PACSIN2: variants seen among roughly 807,000 people sequenced by gnomAD.
The protein encoded by PACSIN2 is protein kinase C and casein kinase substrate in neurons 2.
A neutral mutation model predicts 63.8 loss-of-function variants in PACSIN2; 25 were observed. The ratio of observed to expected loss-of-function variants is 0.39; its 90% CI spans 0.29 to 0.55. The LOEUF (loss-of-function observed/expected upper bound fraction) is 0.55. Among genes scored for constraint, PACSIN2 ranks in the 20% least tolerant of loss-of-function variants. The pLI is 0.62. For synonymous variants in PACSIN2, 255 were observed against 256.2 expected, an observed-to-expected ratio of 1.00 and a Z score of 0.05; for missense variants, 518 against 646.9, an observed-to-expected ratio of 0.80 and a Z score of 2.16.
intron 2 of PACSIN2, among the ~76,000 whole-genome samples, chr22:42,895,757 T>TGCTGGGGACAAGAGGCAAGTTG (rs1329502614): frequency 2.6e-5 from 4 of 152,248 alleles, no homozygotes; most frequent in Admixed American, 2.0e-4. Context: ...CTGTGACCAC[T>TGCTGGGGACAAGAGGCAAGTTG]GCTGGGGACA....
At chr22:42,879,961 C>T (rs78194212) in intron 7 of PACSIN2, among the ~76,000 whole-genome samples, 24 of 152,260 alleles carry the variant, frequency 1.6e-4, no homozygotes, top group African/African-American at 5.3e-4. Flanking sequence ...CACGAGTTCT[C>T]GGGTGGCGAA....
At chr22:42,887,259 T>C (rs1391091433) in intron 5 of PACSIN2, among the ~76,000 whole-genome samples, 1 of 152,310 alleles carries the variant, frequency 6.6e-6, no homozygotes, top group South Asian at 2.1e-4. Context: ...AACTCTCGTG[T>C]AGATGACGTG....
chr22:43,002,782 A>C (rs965225078), intron 1 of PACSIN2, among the ~76,000 whole-genome samples: 6 of 152,242 alleles, frequency 3.9e-5, no homozygotes, highest in Non-Finnish European at 4.4e-5. Context: ...AAGTGGAAAT[A>C]ACCTAAAATG....
At chr22:43,006,150 A>G (rs1924076651) in intron 1 of PACSIN2, among the ~76,000 whole-genome samples, 1 of 152,108 alleles carries the variant, frequency 6.6e-6, no homozygotes, top group South Asian at 2.1e-4. Context: ...TGTCATGTGA[A>G]GCTATAAGAA....
intron 1 of PACSIN2, among the ~76,000 whole-genome samples, chr22:42,964,183 C>T (rs1329643947): frequency 3.3e-5 from 5 of 152,178 alleles, no homozygotes; most frequent in Non-Finnish European, 1.5e-5. Flanking sequence ...TTTGTGGGGC[C>T]AAGGTGCGCA....
At chr22:42,916,558 C>T (rs1410419703) in intron 1 of PACSIN2, among the ~76,000 whole-genome samples, 4 of 152,080 alleles carry the variant, frequency 2.6e-5, no homozygotes, top group East Asian at 3.9e-4. Context: ...CACGGCACGC[C>T]GCACCAGCCT....
chr22:42,924,992 C>T (rs1932444699), intron 1 of PACSIN2, among the ~76,000 whole-genome samples: 1 of 151,662 alleles, frequency 6.6e-6, no homozygotes, highest in African/African-American at 2.4e-5. Flanking sequence ...CTCCTGACCT[C>T]GTGATCGGCC....
chr22:42,988,092 G>A (rs1051996571), intron 1 of PACSIN2, among the ~76,000 whole-genome samples: 1 of 152,032 alleles, frequency 6.6e-6, no homozygotes. Flanking sequence ...AGCCGAGATC[G>A]CACCACTGCA....
At chr22:42,987,498 G>A (rs1244617197) in intron 1 of PACSIN2, among the ~76,000 whole-genome samples, 6 of 32,772 alleles carry the variant, frequency 1.8e-4, no homozygotes, top group African/African-American at 8.2e-4. Context: ...ACACACCCAT[G>A]GCACCATGTT....
At chr22:42,966,544 G>A (rs1320558953) in intron 1 of PACSIN2, among the ~76,000 whole-genome samples, 1 of 152,214 alleles carries the variant, frequency 6.6e-6, no homozygotes, top group Non-Finnish European at 1.5e-5. Flanking sequence ...AAGCTTCTTT[G>A]CTTCTCTGGC....
intron 2 of PACSIN2, among the ~76,000 whole-genome samples, chr22:42,901,631 G>A (rs553243357): frequency 1.5e-4 from 23 of 152,362 alleles, no homozygotes; most frequent in Admixed American, 2.6e-4. Flanking sequence ...TACACTGCAC[G>A]GTAGGTTTCT....
At chr22:42,901,365 T>G (rs909687137) in intron 2 of PACSIN2, among the ~76,000 whole-genome samples, 5 of 152,222 alleles carry the variant, frequency 3.3e-5, no homozygotes, top group African/African-American at 1.2e-4. Flanking sequence ...TAGGGATTCC[T>G]TAATTCCAAG....
At chr22:42,991,418 G>A (rs1329790251) in intron 1 of PACSIN2, among the ~76,000 whole-genome samples, 1 of 152,112 alleles carries the variant, frequency 6.6e-6, no homozygotes, top group East Asian at 1.9e-4. Flanking sequence ...CACCCATCCA[G>A]GCACAGAAGG....
intron 8 of PACSIN2, 116 bp downstream of exon 8, chr22:42,878,932 C>T: frequency 2.4e-6 from 3 of 1,248,354 alleles, no homozygotes; most frequent in Non-Finnish European, 3.3e-6. Flanking sequence ...GCCCACAGAG[C>T]TCAGGAGCCC....
chr22:42,871,336 C>G lies in PACSIN2; in HGVS notation c.*21G>C, dbSNP rs769488198. Reference sequence around the variant, plus strand: ...CCTGGGCCCGCCGCCTCCGTCCCCCCGCTGGCCTGTCCCCGACTCATCACT... The same window carrying G: ...CCTGGGCCCGCCGCCTCCGTCCCCCGGCTGGCCTGTCCCCGACTCATCACT... On this transcript the variant is annotated 3_prime_UTR_variant, in exon 11 of 11. Transcript: ENST00000263246. The surrounding 1 kb of genome is among the most constrained non-coding windows in gnomAD (Gnocchi z 5.4). 1.3e-6 allele frequency: 2 copies of G among 1,548,532 alleles called. No individual in the cohort carries two copies. The highest frequency in any genetic ancestry group is 1.8e-6 in the Non-Finnish European group (2 of 1,120,156).
intron 1 of PACSIN2, among the ~76,000 whole-genome samples, chr22:42,948,706 G>C (rs1006433169): frequency 6.6e-6 from 1 of 152,102 alleles, no homozygotes; most frequent in Non-Finnish European, 1.5e-5. Context: ...TATTTTCTGG[G>C]CATCTATGCA....
chr22:42,941,611 T>C (rs1173122204), intron 1 of PACSIN2, among the ~76,000 whole-genome samples: 1 of 152,258 alleles, frequency 6.6e-6, no homozygotes, highest in East Asian at 1.9e-4. Context: ...TATCTCATTG[T>C]GATTTTGATT....
At chr22:42,980,056 A>G in intron 1 of PACSIN2, among the ~76,000 whole-genome samples, 1 of 152,174 alleles carries the variant, frequency 6.6e-6, no homozygotes, top group South Asian at 2.1e-4. Context: ...AGTTTCTATT[A>G]AAACAAGTTG....
At chr22:42,920,003 G>A (rs1439653195) in intron 1 of PACSIN2, among the ~76,000 whole-genome samples, 1 of 151,766 alleles carries the variant, frequency 6.6e-6, no homozygotes, top group Non-Finnish European at 1.5e-5. Context: ...AGCTACTCAA[G>A]AAGCTGAGGT....
Sources: gnomAD v4.1 joint callset for allele counts (sites outside exome capture counted in the v4.1 genomes callset) on GRCh38, gnomAD v4.1.1 for gene constraint, Gnocchi (gnomAD v3.1) non-coding constraint, MANE v1.5 for transcripts, NCBI Gene and HGNC (gene_info 2026-07-23, HGNC 2026-07-21) for gene names.